The following PLCB1 variants were observed in gnomAD, a reference collection of about 807,000 sequenced individuals.
The protein encoded by PLCB1 is phospholipase C beta 1.
In PLCB1, 46 loss-of-function variants were observed where a neutral mutation model predicts 161.8. The observed-to-expected ratio is 0.28, with a 90% confidence interval of 0.22 to 0.36. The LOEUF is 0.36. Among genes scored for constraint, PLCB1 ranks in the 10% least tolerant of loss-of-function variants. The pLI is 1.00. For synonymous variants in PLCB1, 517 were observed against 503.7 expected (o/e 1.03, Z -0.35); for missense variants, 1,016 against 1,472.5 (o/e 0.69, Z 5.07).
chr20:8,221,986 T>A (rs1050827337), intron 2 of PLCB1, among the ~76,000 whole-genome samples: 1 of 152,214 alleles, frequency 6.6e-6, no homozygotes, highest in African/African-American at 2.4e-5. Context: ...GCTTTAATAC[T>A]ATATCTCATC....
At chr20:8,281,317 G>A (rs1982863497) in intron 2 of PLCB1, among the ~76,000 whole-genome samples, 1 of 147,424 alleles carries the variant, frequency 6.8e-6, no homozygotes, top group South Asian at 2.2e-4. Flanking sequence ...CATCATGTAA[G>A]TAAACCCAGA....
chr20:8,544,537 G>A (rs987116948), intron 3 of PLCB1, among the ~76,000 whole-genome samples: 5 of 152,224 alleles, frequency 3.3e-5, no homozygotes, highest in African/African-American at 1.2e-4. Flanking sequence ...ACATTGCTAT[G>A]TGGGGGTCAA....
At chr20:8,518,336 C>A (rs1984219364) in intron 3 of PLCB1, among the ~76,000 whole-genome samples, 1 of 152,172 alleles carries the variant, frequency 6.6e-6, no homozygotes, top group South Asian at 2.1e-4. Context: ...TCTCTCCCAG[C>A]TTCAGCAATA....
chr20:8,786,791 C>T (rs1390650248), intron 27 of PLCB1, among the ~76,000 whole-genome samples: 1 of 151,558 alleles, frequency 6.6e-6, no homozygotes, highest in Non-Finnish European at 1.5e-5. Context: ...GCAACCTCCA[C>T]CTCCCGGATT....
chr20:8,451,752 C>G (rs1348732469), intron 3 of PLCB1, among the ~76,000 whole-genome samples: 1 of 152,030 alleles, frequency 6.6e-6, no homozygotes, highest in South Asian at 2.1e-4. Flanking sequence ...GACTCTCTTT[C>G]TCTTTTCATT....
intron 3 of PLCB1, among the ~76,000 whole-genome samples, chr20:8,622,897 G>A (rs1395991429): frequency 2.0e-5 from 3 of 151,938 alleles, no homozygotes; most frequent in Admixed American, 6.6e-5. Context: ...CAACCTAATA[G>A]CTCAGGCAAT....
intron 3 of PLCB1, among the ~76,000 whole-genome samples, chr20:8,611,499 C>T (rs1987902229): frequency 6.6e-6 from 1 of 152,056 alleles, no homozygotes; most frequent in Non-Finnish European, 1.5e-5. Flanking sequence ...TGTAAGAAGC[C>T]TGTATTATGA....
At chr20:8,849,885 G>A (rs972074287) in intron 31 of PLCB1, among the ~76,000 whole-genome samples, 4 of 149,092 alleles carry the variant, frequency 2.7e-5, no homozygotes, top group South Asian at 2.1e-4. Context: ...TGCTGGTGCA[G>A]GCCTGTAGTC....
chr20:8,171,840 T>C (rs2051735686), intron 2 of PLCB1, among the ~76,000 whole-genome samples: 3 of 152,158 alleles, frequency 2.0e-5, no homozygotes. Context: ...TACTTTCTCA[T>C]TGTAAAGTCC....
At chr20:8,794,912 C>T (rs1370328207) in intron 31 of PLCB1, among the ~76,000 whole-genome samples, 1 of 152,194 alleles carries the variant, frequency 6.6e-6, no homozygotes, top group African/African-American at 2.4e-5. Context: ...TATTCTGGCT[C>T]AATTTAGAGC....
At chr20:8,236,909 A>G (rs1216231069) in intron 2 of PLCB1, among the ~76,000 whole-genome samples, 1 of 152,100 alleles carries the variant, frequency 6.6e-6, no homozygotes, top group African/African-American at 2.4e-5. Flanking sequence ...AAAGAAATAC[A>G]TACTATAACA....
intron 2 of PLCB1, among the ~76,000 whole-genome samples, chr20:8,256,380 G>A (rs188384244): frequency 4.6e-5 from 7 of 152,150 alleles, no homozygotes; most frequent in Non-Finnish European, 8.8e-5. Flanking sequence ...CTGTTTGCCT[G>A]GGGCACTTCA....
intron 31 of PLCB1, among the ~76,000 whole-genome samples, chr20:8,870,193 G>A (rs959880582): frequency 6.6e-6 from 1 of 152,168 alleles, no homozygotes; most frequent in African/African-American, 2.4e-5. Flanking sequence ...GAGAATTGAC[G>A]AGGTCCTGGT....
At chr20:8,249,447 G>T (rs970303316) in intron 2 of PLCB1, 1 of 151,894 alleles carries the variant, frequency 6.6e-6, no homozygotes, top group African/African-American at 2.4e-5. Flanking sequence ...TTATCCTTGT[G>T]TGGGTAAAGG....
At chr20:8,270,567 T>A (rs1222503491) in intron 2 of PLCB1, among the ~76,000 whole-genome samples, 2 of 152,166 alleles carry the variant, frequency 1.3e-5, no homozygotes, top group East Asian at 3.9e-4. Flanking sequence ...AGAAACTATA[T>A]GTGCTTAGAT....
chr20:8,236,821 G>T (rs187378124), intron 2 of PLCB1, among the ~76,000 whole-genome samples: 1 of 152,018 alleles, frequency 6.6e-6, no homozygotes, highest in East Asian at 1.9e-4. Context: ...ATATGAATGG[G>T]AAAGTAAAGT....
chr20:8,292,045 A>G (rs1983407902), intron 2 of PLCB1, among the ~76,000 whole-genome samples: 1 of 152,148 alleles, frequency 6.6e-6, no homozygotes, highest in Non-Finnish European at 1.5e-5. Flanking sequence ...AATGCCATAG[A>G]GTCCAAATTA....
chr20:8,183,651 C>A (rs1040099990), intron 2 of PLCB1, among the ~76,000 whole-genome samples: 5 of 151,970 alleles, frequency 3.3e-5, no homozygotes, highest in African/African-American at 1.2e-4. Flanking sequence ...ATAAAATAAA[C>A]CCAAACAAGT....
At chr20:8,246,124 T>C (rs2123213473) in intron 2 of PLCB1, among the ~76,000 whole-genome samples, 1 of 152,034 alleles carries the variant, frequency 6.6e-6, no homozygotes, top group Admixed American at 6.6e-5. Context: ...TCATAAAAAA[T>C]ACTAAAATTT....
Sources: gnomAD v4.1 joint callset for allele counts (sites outside exome capture counted in the v4.1 genomes callset) on GRCh38, gnomAD v4.1.1 for gene constraint, MANE v1.5 for transcripts, NCBI Gene and HGNC (gene_info 2026-07-23, HGNC 2026-07-21) for gene names.